Variants in NXPE4 observed in about 807,000 individuals in gnomAD.
NXPE4 encodes the protein NXPE family member 4.
A neutral mutation model predicts 33.3 loss-of-function variants in NXPE4; 42 were observed. The observed-to-expected ratio is 1.26, with a 90% CI of 0.98 to 1.63. The LOEUF is 1.63. Ranked by LOEUF, NXPE4 falls within the 40% of genes most tolerant of loss-of-function variation. The pLI, the probability that NXPE4 is intolerant of heterozygous loss-of-function variation, is 0.00. For synonymous variants in NXPE4, 253 were observed against 234.9 expected (o/e 1.08, Z -0.71); for missense variants, 709 against 647.6 (o/e 1.09, Z -1.03).
the NXPE4 span, among the ~76,000 whole-genome samples, chr11:114,611,913 T>G: frequency 3.3e-5 from 5 of 151,870 alleles, no homozygotes; most frequent in Non-Finnish European, 7.4e-5. Flanking sequence ...ACCTGCTGGA[T>G]ACTAAATTTT....
the NXPE4 span, among the ~76,000 whole-genome samples, chr11:114,659,717 A>G: frequency 7.0e-4 from 106 of 152,260 alleles, no homozygotes; most frequent in Non-Finnish European, 1.3e-3. Flanking sequence ...TGTATTAGAA[A>G]AGAACAAAGG....
At chr11:114,633,017 A>T in the NXPE4 span, among the ~76,000 whole-genome samples, 44,370 of 106,382 alleles carry the variant, frequency 0.42, 10,179 homozygotes, top group African/African-American at 0.6. Flanking sequence ...ATATTATATA[A>T]TATATAATGT....
the NXPE4 span, among the ~76,000 whole-genome samples, chr11:114,638,159 A>G: frequency 5.3e-5 from 8 of 151,334 alleles, no homozygotes; most frequent in African/African-American, 1.9e-4. Flanking sequence ...GGCTTTGTTC[A>G]TTTCTTTTTA....
At chr11:114,585,685 T>G (rs954436865) in intron 2 of NXPE4, among the ~76,000 whole-genome samples, 1 of 151,752 alleles carries the variant, frequency 6.6e-6, no homozygotes, top group African/African-American at 2.4e-5. Context: ...TAGAAAGAAA[T>G]TATTTAGGTA....
At chr11:114,649,425 C>T in the NXPE4 span, among the ~76,000 whole-genome samples, 1 of 152,154 alleles carries the variant, frequency 6.6e-6, no homozygotes, top group Non-Finnish European at 1.5e-5. Context: ...ACTACTAGTA[C>T]ATGTTAGCAT....
chr11:114,641,594 A>G, the NXPE4 span, among the ~76,000 whole-genome samples: 1 of 152,042 alleles, frequency 6.6e-6, no homozygotes, highest in East Asian at 1.9e-4. Flanking sequence ...GTCCAAGTCA[A>G]GAATAGGAAG....
chr11:114,573,866 C>G (rs891905518), intron 5 of NXPE4, among the ~76,000 whole-genome samples: 12 of 152,010 alleles, frequency 7.9e-5, no homozygotes, highest in Non-Finnish European at 1.6e-4. Flanking sequence ...ATGAACTTAA[C>G]AGATATTTAC....
At chr11:114,572,149 C>T (rs1435367669) in intron 5 of NXPE4, among the ~76,000 whole-genome samples, 7 of 152,080 alleles carry the variant, frequency 4.6e-5, no homozygotes, top group Non-Finnish European at 1.0e-4. Flanking sequence ...CTCAGGAAGC[C>T]CCATTCCTAG....
At chr11:114,585,230 CT>C (rs1949263748) in intron 2 of NXPE4, among the ~76,000 whole-genome samples, 1 of 151,598 alleles carries the variant, frequency 6.6e-6, no homozygotes, top group Non-Finnish European at 1.5e-5. Context: ...TCCTGCCATC[CT>C]CCACCTGCAG....
At chr11:114,573,084 AG>A (rs1202751102) in intron 5 of NXPE4, among the ~76,000 whole-genome samples, 1 of 152,164 alleles carries the variant, frequency 6.6e-6, no homozygotes, top group Admixed American at 6.5e-5. Context: ...AAAAATTATC[AG>A]TCAAGAATTT....
intron 2 of NXPE4, among the ~76,000 whole-genome samples, chr11:114,585,377 G>A (rs1013545649): frequency 2.0e-5 from 3 of 152,078 alleles, no homozygotes; most frequent in African/African-American, 7.2e-5. Context: ...CTATCCTTCT[G>A]CAAGAGATTC....
the NXPE4 span, among the ~76,000 whole-genome samples, chr11:114,628,536 T>C: frequency 6.6e-6 from 1 of 151,254 alleles, no homozygotes; most frequent in Admixed American, 6.6e-5. Flanking sequence ...TAGAGGGAAA[T>C]TTATAGCACT....
chr11:114,646,228 T>C, the NXPE4 span, among the ~76,000 whole-genome samples: 1 of 152,020 alleles, frequency 6.6e-6, no homozygotes, highest in African/African-American at 2.4e-5. Context: ...CTATGGAATT[T>C]CAGCAGATAG....
chr11:114,598,623 G>C (rs1351976463), upstream of NXPE4, among the ~76,000 whole-genome samples: 7 of 152,216 alleles, frequency 4.6e-5, no homozygotes, highest in Non-Finnish European at 1.0e-4. Flanking sequence ...CAAGGCTTAT[G>C]GCTTGCACTC....
the NXPE4 span, among the ~76,000 whole-genome samples, chr11:114,633,305 A>T: frequency 1.4e-5 from 2 of 139,472 alleles, no homozygotes; most frequent in Admixed American, 1.5e-4. Context: ...TAATGTAATA[A>T]AATATATAAT....
rs552585698 is a variant in NXPE4 at position 114,588,302 on chromosome 11, C to T, written c.97-5281G>A. Among the ~76,000 whole-genome samples, 422 of 152,286 alleles carry T rather than the reference C, an allele frequency of 2.8e-3. 3 individuals are homozygous for T. Among genetic ancestry groups the T allele is most frequent in the African/African-American group, 9.7e-3 (404 of 41,558 alleles). ...GAAATGCTCAATGGAGGTGATGTCA[C>T]TAGGGTTCCCTTCTTATTGCAGGAT... On this transcript the variant is annotated intron_variant, in intron 2 of 5. Transcript: ENST00000375478.
chr11:114,607,625 G>GATA, the NXPE4 span, among the ~76,000 whole-genome samples: 4 of 151,718 alleles, frequency 2.6e-5, no homozygotes, highest in African/African-American at 9.7e-5. Flanking sequence ...TTACCCGGTG[G>GATA]ATAAGTGTTG....
chr11:114,642,115 C>T, the NXPE4 span, among the ~76,000 whole-genome samples: 2 of 151,904 alleles, frequency 1.3e-5, no homozygotes, highest in Admixed American at 6.6e-5. Context: ...CAAACACTAC[C>T]TCAGCTAGAT....
At chr11:114,620,390 C>T in the NXPE4 span, among the ~76,000 whole-genome samples, 1 of 152,056 alleles carries the variant, frequency 6.6e-6, no homozygotes, top group Non-Finnish European at 1.5e-5. Flanking sequence ...CGTGGGTAAC[C>T]ACTGTTACCC....
Sources: gnomAD v4.1 joint callset for allele counts (sites outside exome capture counted in the v4.1 genomes callset) on GRCh38, gnomAD v4.1.1 for gene constraint, MANE v1.5 for transcripts, NCBI Gene and HGNC (gene_info 2026-07-23, HGNC 2026-07-21) for gene names.